The following RYK variants were observed in gnomAD, a reference collection of about 807,000 sequenced individuals.
The protein encoded by RYK is receptor like tyrosine kinase, also known as inactive tyrosine-protein kinase RYK.
Under a neutral mutation model 70.2 loss-of-function variants are expected in RYK, and 21 were observed. The observed-to-expected ratio is 0.30, with a 90% CI of 0.21 to 0.43. RYK has a LOEUF of 0.43. RYK is among the 20% of genes least tolerant of loss of function. The pLI is 1.00. For synonymous variants in RYK, 267 were observed against 278.0 expected, an observed-to-expected ratio of 0.96 and a Z score of 0.39; for missense variants, 604 against 753.3, an observed-to-expected ratio of 0.80 and a Z score of 2.32.
intron 13 of RYK, among the ~76,000 whole-genome samples, chr3:134,162,751 A>T (rs2012520662): frequency 6.6e-6 from 1 of 151,496 alleles, no homozygotes; most frequent in Non-Finnish European, 1.5e-5. Flanking sequence ...TTATTTTTAA[A>T]ATCGTGTCCA....
intron 5 of RYK, 45 bp from the exon 6 acceptor site, chr3:134,202,919 G>T (rs1457694915): frequency 1.9e-6 from 3 of 1,549,210 alleles, no homozygotes; most frequent in Admixed American, 1.8e-5. Flanking sequence ...AAACAAATAT[G>T]ACTGCTTTGT....
At chr3:134,221,291 G>C (rs1312205898) in intron 2 of RYK, among the ~76,000 whole-genome samples, 1 of 128,490 alleles carries the variant, frequency 7.8e-6, no homozygotes, top group Admixed American at 9.5e-5. Flanking sequence ...TGCAACCTCC[G>C]CCTCCCGGGT....
chr3:134,240,652 C>A (rs939435847), intron 1 of RYK, among the ~76,000 whole-genome samples: 4 of 152,130 alleles, frequency 2.6e-5, no homozygotes, highest in African/African-American at 4.8e-5. Context: ...CAGAATATGA[C>A]ATATACCAGT....
At chr3:134,172,553 C>T (rs988976199) in intron 13 of RYK, among the ~76,000 whole-genome samples, 3 of 152,198 alleles carry the variant, frequency 2.0e-5, no homozygotes, top group African/African-American at 7.2e-5. Context: ...AGTACAGCAG[C>T]TGTGCATTGG....
At chr3:134,162,082 G>C (rs747743891) in intron 13 of RYK, among the ~76,000 whole-genome samples, 9 of 152,122 alleles carry the variant, frequency 5.9e-5, no homozygotes, top group Non-Finnish European at 1.0e-4. Context: ...CTATCTTCAC[G>C]TGACATTTTC....
intron 1 of RYK, among the ~76,000 whole-genome samples, chr3:134,244,445 C>G (rs2015401517): frequency 1.3e-5 from 2 of 152,148 alleles, no homozygotes; most frequent in African/African-American, 2.4e-5. Flanking sequence ...GATAAAGAGA[C>G]AGTATGAATT....
At chr3:134,186,096 ACTTG>A (rs2013449655) in intron 9 of RYK, among the ~76,000 whole-genome samples, 1 of 152,206 alleles carries the variant, frequency 6.6e-6, no homozygotes, top group African/African-American at 2.4e-5. Context: ...AAAAACAAAC[ACTTG>A]CTTATTTACA....
chr3:134,188,239 C>T (rs2013535394), intron 9 of RYK, among the ~76,000 whole-genome samples: 1 of 150,050 alleles, frequency 6.7e-6, no homozygotes, highest in African/African-American at 2.4e-5. Flanking sequence ...CGGCTCACTG[C>T]ATCCTCCGCC....
intron 9 of RYK, 60 bp downstream of exon 9, chr3:134,188,777 T>C (rs2013551321): frequency 3.0e-6 from 3 of 1,006,050 alleles, no homozygotes; most frequent in South Asian, 3.0e-5. Context: ...AGAATTTTGC[T>C]GGCAGGAGCC....
intron 2 of RYK, 95 bp downstream of exon 2, chr3:134,222,323 C>G: frequency 7.6e-7 from 1 of 1,311,626 alleles, no homozygotes; most frequent in Admixed American, 1.8e-5. Context: ...CCAGCGGACC[C>G]TTCAGTACAG....
intron 3 of RYK, 97 bp downstream of exon 3, chr3:134,211,411 G>A: frequency 1.4e-6 from 1 of 712,804 alleles, no homozygotes; most frequent in South Asian, 2.0e-5. Flanking sequence ...TGCCTATCAA[G>A]TAATACACAC....
intron 5 of RYK, among the ~76,000 whole-genome samples, chr3:134,205,828 A>G (rs755410084): frequency 7.2e-5 from 11 of 152,038 alleles, no homozygotes; most frequent in Admixed American, 1.3e-4. Flanking sequence ...CTCCCACTAC[A>G]TTATAAACCC....
At chr3:134,203,713 T>C (rs1375799652) in intron 5 of RYK, among the ~76,000 whole-genome samples, 1 of 152,218 alleles carries the variant, frequency 6.6e-6, no homozygotes, top group Non-Finnish European at 1.5e-5. Flanking sequence ...GTGGTATACA[T>C]AAAACATACC....
rs2012358401 is a variant in RYK at position 134,159,096 on chromosome 3, TA to T, written c.1712+140del. 10 of 906,620 alleles carry T rather than the reference TA, an allele frequency of 1.1e-5. No homozygotes were observed. In the East Asian group the frequency reaches 2.6e-4, roughly 24 times the overall value. The allele number at this position is 906,620 out of a possible 1,614,324, so 56.2% of individuals were successfully genotyped here. On this transcript the variant is annotated intron_variant, in intron 14 of 14. Transcript: ENST00000623711. Reference sequence around the variant, plus strand: ...GAATCTCCCTGACTTTGTGGTTTTTTATAAGAGTCTAATTTAAATCCAAAGA... The same window carrying T: ...GAATCTCCCTGACTTTGTGGTTTTTTTAAGAGTCTAATTTAAATCCAAAGA...
intron 1 of RYK, among the ~76,000 whole-genome samples, chr3:134,239,295 A>G (rs1005750576): frequency 4.6e-5 from 7 of 152,100 alleles, no homozygotes; most frequent in African/African-American, 1.7e-4. Context: ...CCTCATCTAT[A>G]CAAAAAAAAA....
chr3:134,242,573 G>C (rs778943519), intron 1 of RYK, among the ~76,000 whole-genome samples: 10 of 152,150 alleles, frequency 6.6e-5, no homozygotes, highest in Non-Finnish European at 1.3e-4. Flanking sequence ...TAATGGTTCT[G>C]TTTCATGTAC....
At chr3:134,235,754 G>A (rs1054024210) in intron 1 of RYK, among the ~76,000 whole-genome samples, 8 of 152,282 alleles carry the variant, frequency 5.3e-5, no homozygotes, top group African/African-American at 1.9e-4. Context: ...GGAGTGTTAA[G>A]CATCACAGAG....
intron 10 of RYK, chr3:134,179,914 G>C (rs2013234733): frequency 6.6e-6 from 1 of 152,154 alleles, no homozygotes; most frequent in Admixed American, 6.5e-5. Flanking sequence ...AAATCCACTG[G>C]TAGAGCTAAC....
chr3:134,241,632 C>T (rs1045740178), intron 1 of RYK, among the ~76,000 whole-genome samples: 1 of 152,144 alleles, frequency 6.6e-6, no homozygotes, highest in Non-Finnish European at 1.5e-5. Flanking sequence ...CAACAAATTG[C>T]TCAGGGTAGG....
Sources: gnomAD v4.1 joint callset for allele counts (sites outside exome capture counted in the v4.1 genomes callset) on GRCh38, gnomAD v4.1.1 for gene constraint, MANE v1.5 for transcripts, NCBI Gene and HGNC (gene_info 2026-07-23, HGNC 2026-07-21) for gene names.